FGFR1: variants seen among roughly 807,000 people sequenced by gnomAD.
FGFR1 encodes fibroblast growth factor receptor 1.
FGFR1 carries 18 observed loss-of-function variants against 93.7 expected under a neutral mutation model. That is an observed-to-expected ratio of 0.19 (90% confidence interval 0.13 to 0.28). FGFR1 has a LOEUF of 0.28. Among genes scored for constraint, FGFR1 ranks in the 10% least tolerant of loss-of-function variants. The pLI, the probability that FGFR1 is intolerant of heterozygous loss-of-function variation, is 1.00. For synonymous variants in FGFR1, 448 were observed against 429.3 expected (o/e 1.04, Z -0.54); for missense variants, 731 against 1,080.4 (o/e 0.68, Z 4.53).
chr8:38,459,274 G>A (rs1365631150), intron 1 of FGFR1, among the ~76,000 whole-genome samples: 1 of 152,134 alleles, frequency 6.6e-6, no homozygotes, highest in Admixed American at 6.5e-5. Flanking sequence ...GCCCTAATGT[G>A]GTACTTCAGC....
At chr8:38,464,261 C>T (rs774650569) in intron 1 of FGFR1, among the ~76,000 whole-genome samples, 3 of 142,408 alleles carry the variant, frequency 2.1e-5, no homozygotes, top group Non-Finnish European at 4.5e-5. Flanking sequence ...GTTGCAGTGA[C>T]CTGAGATAGC....
chr8:38,429,186 C>T lies in FGFR1; in HGVS notation c.358+496G>A, dbSNP rs543551337. On this transcript the variant is annotated intron_variant, in intron 3 of 17. Coordinates refer to ENST00000447712, the MANE Select transcript of FGFR1 (RefSeq NM_023110.3). This position sits in a 1 kb window ranked among gnomAD's most constrained non-coding sequence, Gnocchi z 4.4. ...AGTCACATTCTAAGAGTGGCAAGTT[C>T]CCAAGTTCACAGAGCTCCAGGGCTC... 4 of 397,364 alleles carry T rather than the reference C, an allele frequency of 1.0e-5. No individual in the cohort carries two copies. Among genetic ancestry groups the T allele is most frequent in the South Asian group, 7.3e-5 (4 of 54,770 alleles). 24.6% of individuals were successfully genotyped at this position (397,364 alleles called of 1,614,324 possible). A position where few individuals can be genotyped will look rare whatever the true frequency, so the allele number is the denominator to read the frequency against.
chr8:38,451,261 G>A (rs1452202379), intron 2 of FGFR1, among the ~76,000 whole-genome samples: 3 of 151,948 alleles, frequency 2.0e-5, no homozygotes, highest in Non-Finnish European at 4.4e-5. Context: ...GGGAGTAGGG[G>A]AGGGTCTTGC....
chr8:38,434,588 T>TCCC (rs1824561817), intron 2 of FGFR1: 2 of 252,748 alleles, frequency 7.9e-6, no homozygotes, highest in South Asian at 1.3e-4. Flanking sequence ...TTCAAACTGG[T>TCCC]CCCTTCACTT....
chr8:38,414,747 C>A (rs1815736698), intron 14 of FGFR1, 32 bp downstream of exon 14: 2 of 1,613,830 alleles, frequency 1.2e-6, no homozygotes, highest in African/African-American at 1.3e-5. Context: ...CAGATGAAAC[C>A]ACCAGCACAG....
At chr8:38,428,638 C>T (rs1289056960) in intron 3 of FGFR1, 2 of 597,504 alleles carry the variant, frequency 3.3e-6, no homozygotes, top group Non-Finnish European at 6.1e-6. Context: ...AAGCACTGCC[C>T]CCACTGCCTG....
rs1348010838 is a variant in FGFR1 at position 38,427,965 on chromosome 8, T to C, written c.577A>G (p.Asn193Asp). The C allele has an allele frequency of 1.2e-6, 2 of 1,614,152 alleles. No homozygotes were observed. The highest frequency in any genetic ancestry group is 1.7e-6 in the Non-Finnish European group (2 of 1,180,046). ...TGGTCAGGTTTGAATTCTTTGCCAT[T>C]TTTCAACCAGCGCAGTGTGGGGTTT... ...TPNPTLRWLK[N>D]GKEFKPDHRI... Residue 193 changes from asparagine (N) to aspartate (D), a missense_variant, in exon 5 of 18, where the codon AAT becomes GAT. By Grantham distance (23) the Asn-to-Asp change is conservative. Coordinates refer to ENST00000447712, the MANE Select transcript of FGFR1 (RefSeq NM_023110.3).
intron 1 of FGFR1, among the ~76,000 whole-genome samples, chr8:38,460,333 G>A (rs544635939): frequency 3.3e-5 from 5 of 152,230 alleles, no homozygotes; most frequent in South Asian, 2.1e-4. Flanking sequence ...ACTACATCCC[G>A]AAAATACACC....
intron 8 of FGFR1, among the ~76,000 whole-genome samples, chr8:38,421,481 A>G (rs940831739): frequency 2.0e-5 from 3 of 152,188 alleles, no homozygotes; most frequent in African/African-American, 7.2e-5. Context: ...GCTGGACCCA[A>G]GGACGGAAGG....
chr8:38,414,056 C>A (rs749003702), intron 16 of FGFR1, 33 bp from the exon 17 acceptor site: 1 of 1,613,782 alleles, frequency 6.2e-7, no homozygotes, highest in Non-Finnish European at 8.5e-7. Context: ...GGGACGTCTC[C>A]TGGAGATGGA....
rs1305008774 is a variant in FGFR1 at position 38,428,647 on chromosome 8, TG to T, written c.359-213del. The T allele has an allele frequency of 8.5e-6, 5 of 585,870 alleles. No homozygotes were observed. The Admixed American group carries it at 1.4e-4, about 16-fold the overall frequency. The allele number at this position is 585,870 out of a possible 1,614,324, so 36.3% of individuals were successfully genotyped here. A position where few individuals can be genotyped will look rare whatever the true frequency, so the allele number is the denominator to read the frequency against. On this transcript the variant is annotated intron_variant, in intron 3 of 17. Coordinates refer to ENST00000447712, the MANE Select transcript of FGFR1 (RefSeq NM_023110.3). ...TCCCCGAAGCACTGCCCCCACTGCC[TG>T]GAAGCCTTCACACTGGGTGGTTCCA...
At position 38,412,089 on chromosome 8, in the gene FGFR1, G is replaced by C. The variant is rs1563415933; in HGVS notation, c.*1539C>G. The C allele has an allele frequency of 4.7e-6, 1 of 214,790 alleles. No homozygotes were observed. Among genetic ancestry groups the C allele is most frequent in the Non-Finnish European group, 9.4e-6 (1 of 106,554 alleles). The allele number at this position is 214,790 out of a possible 1,614,324, so 13.3% of individuals were successfully genotyped here. ...ATTTGTTTTCCTTTTTGTTTTCTCT[G>C]TTGCCCAGGCTGGAGTGCAATGGCG... On this transcript the variant is annotated 3_prime_UTR_variant, in exon 18 of 18. Transcript: ENST00000447712.
rs541692133 is a variant in FGFR1, at chr8:38,411,281, G to A, written c.*2347C>T. 4.8e-6 allele frequency: 1 copy of A among 210,450 alleles called. No individual in the cohort carries two copies. Among genetic ancestry groups the A allele is most frequent in the South Asian group, 1.9e-4 (1 of 5,346 alleles). 13.0% of individuals were successfully genotyped at this position (210,450 alleles called of 1,614,324 possible). ...TCTAGCACCTCTCCCAAGGACTTAT[G>A]AAGACTTTTAGATTCTTCATCCCTT... On this transcript the variant is annotated 3_prime_UTR_variant, in exon 18 of 18. Coordinates refer to ENST00000447712, the MANE Select transcript of FGFR1 (RefSeq NM_023110.3).
At chr8:38,421,665 T>A (rs757282443) in intron 8 of FGFR1, 132 bp downstream of exon 8, 2 of 947,698 alleles carry the variant, frequency 2.1e-6, no homozygotes, top group Non-Finnish European at 1.7e-6. Context: ...TGGGGCAGGA[T>A]GTGGCACCAG....
intron 2 of FGFR1, among the ~76,000 whole-genome samples, chr8:38,454,560 CT>C (rs937614546): frequency 1.3e-5 from 2 of 152,158 alleles, no homozygotes; most frequent in African/African-American, 4.8e-5. Context: ...TTTTTCCTTC[CT>C]CTATCATCTC....
At chr8:38,431,157 T>A (rs1196610854) in intron 2 of FGFR1, among the ~76,000 whole-genome samples, 1 of 152,172 alleles carries the variant, frequency 6.6e-6, no homozygotes, top group African/African-American at 2.4e-5. Context: ...TGAAACAGCA[T>A]GTTCTCCCTC....
At position 38,428,345 on chromosome 8, in the gene FGFR1, C is replaced by G. The variant is rs376416531; in HGVS notation, c.448+1G>C. 38 of 1,613,468 alleles carry G rather than the reference C, an allele frequency of 2.4e-5. No homozygotes were observed. Among genetic ancestry groups the G allele is most frequent in the Non-Finnish European group, 3.1e-5 (36 of 1,179,378 alleles). ...CAGTAAGATAGGAAACAGTGTCTCACGCATACGGTTTGGTTTGGTGTTATC... is the reference window on the plus strand; with the variant it reads ...CAGTAAGATAGGAAACAGTGTCTCAGGCATACGGTTTGGTTTGGTGTTATC... On this transcript the variant is annotated splice_donor_variant, in intron 4 of 17. Coordinates refer to ENST00000447712, the MANE Select transcript of FGFR1 (RefSeq NM_023110.3). LOFTEE classifies it high-confidence loss of function.
rs750204406 is a variant in FGFR1, at chr8:38,468,517, C to T, written c.-625G>A. On this transcript the variant is annotated 5_prime_UTR_variant, in exon 1 of 18. Coordinates refer to ENST00000447712, the MANE Select transcript of FGFR1 (RefSeq NM_023110.3). ...CCGTCCGGACGTGGCCGCCCAGCTCCCGGCACACCCGGGTTCCTCCGCGCG... is the reference window on the plus strand; with the variant it reads ...CCGTCCGGACGTGGCCGCCCAGCTCTCGGCACACCCGGGTTCCTCCGCGCG... 3.9e-5 allele frequency: 9 copies of T among 228,654 alleles called. No homozygotes were observed. Among genetic ancestry groups the T allele is most frequent in the Non-Finnish European group, 6.1e-5 (7 of 114,986 alleles). The allele number at this position is 228,654 out of a possible 1,614,324, so 14.2% of individuals were successfully genotyped here.
At chr8:38,439,276 G>A (rs555577199) in intron 2 of FGFR1, among the ~76,000 whole-genome samples, 1 of 152,244 alleles carries the variant, frequency 6.6e-6, no homozygotes, top group East Asian at 1.9e-4. Context: ...AGCACATGGG[G>A]TGATGAGGGG....
Sources: gnomAD v4.1 joint callset for allele counts (sites outside exome capture counted in the v4.1 genomes callset) on GRCh38, gnomAD v4.1.1 for gene constraint, Gnocchi (gnomAD v3.1) non-coding constraint, MANE v1.5 for transcripts, NCBI Gene and HGNC (gene_info 2026-07-23, HGNC 2026-07-21) for gene names.